PIEZO2: variants seen among roughly 807,000 people sequenced by gnomAD.
PIEZO2 encodes piezo type mechanosensitive ion channel component 2, also known as piezo-type mechanosensitive ion channel component 2.
A neutral mutation model predicts 337.3 loss-of-function variants in PIEZO2; 172 were observed. The ratio of observed to expected loss-of-function variants is 0.51; its 90% CI spans 0.45 to 0.58. PIEZO2 has a LOEUF of 0.58. PIEZO2 is among the 20% of genes least tolerant of loss of function. The pLI is 0.00. For synonymous variants in PIEZO2, 1,251 were observed against 1,228.5 expected (o/e 1.02, Z -0.38); for missense variants, 3,028 against 3,391.3 (o/e 0.89, Z 2.66).
At position 10,954,312 on chromosome 18, in the gene PIEZO2, A is replaced by G. The variant is rs2033428227; in HGVS notation, c.286+25223T>C. ...ACAGTGAGTCTTCCAATCCATGAAC[A>G]CAATGTATCTCTGCATTTATTTAGG... On this transcript the variant is annotated intron_variant, in intron 3 of 55. Coordinates refer to ENST00000674853, the MANE Select transcript of PIEZO2 (RefSeq NM_001378183.1). The surrounding 1 kb of genome is among the most constrained non-coding windows in gnomAD (Gnocchi z 4.2). 6.6e-6 allele frequency among the ~76,000 whole-genome samples: 1 copy of G among 152,208 alleles called. No individual in the cohort carries two copies. The highest frequency in any genetic ancestry group is 1.5e-5 in the Non-Finnish European group (1 of 68,024).
chr18:11,043,455 A>T (rs1402887268), intron 2 of PIEZO2, among the ~76,000 whole-genome samples: 1 of 152,234 alleles, frequency 6.6e-6, no homozygotes, highest in Non-Finnish European at 1.5e-5. Flanking sequence ...TTATCTGGCA[A>T]TCATAACTAC....
intron 3 of PIEZO2, among the ~76,000 whole-genome samples, chr18:10,971,956 C>T (rs901401833): frequency 1.6e-4 from 25 of 152,114 alleles, no homozygotes; most frequent in African/African-American, 5.8e-4. Flanking sequence ...ACCAGTAATA[C>T]GATAGTGAAA....
At chr18:10,785,512 A>G (rs192563653) in intron 16 of PIEZO2, among the ~76,000 whole-genome samples, 7 of 152,296 alleles carry the variant, frequency 4.6e-5, no homozygotes, top group African/African-American at 1.7e-4. Context: ...TGCTTCCAAA[A>G]CAGTATTCTT....
chr18:10,842,693 A>T (rs1370806329), intron 7 of PIEZO2, among the ~76,000 whole-genome samples: 1 of 152,220 alleles, frequency 6.6e-6, no homozygotes. Flanking sequence ...GTATTCCTTC[A>T]TGGCAACATT....
Position 10,716,255 on chromosome 18 carries a change from C to T in PIEZO2, c.5090-439G>A, listed in dbSNP as rs1031652250. On this transcript the variant is annotated intron_variant, in intron 37 of 55. Transcript: ENST00000674853. This position sits in a 1 kb window ranked among gnomAD's most constrained non-coding sequence, Gnocchi z 4.1. ...TACAGAAAAACCAACCCCTCTTCTT[C>T]CTCCTCCTCCTCAACCCACTCAAGG... Among the ~76,000 whole-genome samples the T allele has an allele frequency of 6.6e-6, 1 of 152,178 alleles. No individual in the cohort carries two copies. The highest frequency in any genetic ancestry group is 6.5e-5 in the Admixed American group (1 of 15,268).
At chr18:10,704,208 G>C in intron 42 of PIEZO2, 186 bp downstream of exon 42, 2 of 750,670 alleles carry the variant, frequency 2.7e-6, no homozygotes, top group Non-Finnish European at 4.2e-6. Flanking sequence ...TTAGAATTGC[G>C]AGTGCTAGGT....
intron 23 of PIEZO2, 138 bp downstream of exon 23, chr18:10,762,362 T>G (rs2143877118): frequency 9.3e-7 from 1 of 1,073,794 alleles, no homozygotes; most frequent in Non-Finnish European, 1.3e-6. Context: ...ACTTAGAGTT[T>G]GTTGCAAAGG....
chr18:10,896,636 C>T (rs2042910600), intron 4 of PIEZO2, among the ~76,000 whole-genome samples: 1 of 152,126 alleles, frequency 6.6e-6, no homozygotes, highest in Non-Finnish European at 1.5e-5. Context: ...GTGAGGCCTC[C>T]CTGACTTCCT....
At chr18:11,050,890 C>G (rs1046129226) in intron 2 of PIEZO2, among the ~76,000 whole-genome samples, 2 of 145,048 alleles carry the variant, frequency 1.4e-5, no homozygotes, top group African/African-American at 5.5e-5. Context: ...GCAAAATTTA[C>G]CAGGTTTAAA....
rs1199715968 is a variant in PIEZO2 at position 11,077,713 on chromosome 18, T to G, written c.65-11491A>C. ...CAAGTTTGGGAAGTTGTTGCTCCAT[T>G]TTCATTAATATCAGTACTTTTAAAC... On this transcript the variant is annotated intron_variant, in intron 1 of 55. Coordinates refer to ENST00000674853, the MANE Select transcript of PIEZO2 (RefSeq NM_001378183.1). This position sits in a 1 kb window ranked among gnomAD's most constrained non-coding sequence, Gnocchi z 4.8. Among the ~76,000 whole-genome samples, 1 of 149,858 alleles carries G rather than the reference T, an allele frequency of 6.7e-6. No homozygotes were observed. Among genetic ancestry groups the G allele is most frequent in the Non-Finnish European group, 1.5e-5 (1 of 67,374 alleles).
At chr18:11,063,299 G>T (rs1386361668) in intron 2 of PIEZO2, among the ~76,000 whole-genome samples, 1 of 119,650 alleles carries the variant, frequency 8.4e-6, no homozygotes, top group East Asian at 3.4e-4. Context: ...GGGGAGTGGG[G>T]AGGGATAGCA....
chr18:10,742,399 G>A, intron 32 of PIEZO2, 95 bp downstream of exon 32: 1 of 1,357,914 alleles, frequency 7.4e-7, no homozygotes, highest in Non-Finnish European at 9.9e-7. Context: ...GATAATCTTG[G>A]CAGAATAAGA....
At chr18:11,123,392 C>G (rs761161452) in intron 1 of PIEZO2, among the ~76,000 whole-genome samples, 1 of 152,124 alleles carries the variant, frequency 6.6e-6, no homozygotes, top group Non-Finnish European at 1.5e-5. Flanking sequence ...AAAAATCTGC[C>G]ATATGCTGTT....
At chr18:11,005,893 A>G (rs141664020) in intron 2 of PIEZO2, among the ~76,000 whole-genome samples, 1 of 152,348 alleles carries the variant, frequency 6.6e-6, no homozygotes, top group East Asian at 1.9e-4. Context: ...CTACAAAGGG[A>G]GTCTCCAGTA....
chr18:11,062,129 G>C (rs2145901203), intron 2 of PIEZO2, among the ~76,000 whole-genome samples: 1 of 152,130 alleles, frequency 6.6e-6, no homozygotes. Context: ...TCTGATCTTT[G>C]ACAAACCTGA....
At chr18:11,015,547 T>A (rs1357452161) in intron 2 of PIEZO2, among the ~76,000 whole-genome samples, 2 of 152,228 alleles carry the variant, frequency 1.3e-5, no homozygotes, top group Non-Finnish European at 1.5e-5. Context: ...ATATTTAACC[T>A]GAAAATTTTA....
At position 10,907,856 on chromosome 18, in the gene PIEZO2, T is replaced by A. The variant is rs559499413; in HGVS notation, c.329+3330A>T. On this transcript the variant is annotated intron_variant, in intron 4 of 55. Transcript: ENST00000674853. ...ATTTGATAGGCACAGATTCTTTTTA[T>A]CTATAATAAAAAAAATTGAGTCTGC... Among the ~76,000 whole-genome samples, 349 of 152,382 alleles carry A rather than the reference T, an allele frequency of 2.3e-3. 2 individuals are homozygous for A. Among genetic ancestry groups the A allele is most frequent in the African/African-American group, 7.1e-3 (295 of 41,580 alleles).
chr18:10,991,139 T>G (rs529347779), intron 2 of PIEZO2, among the ~76,000 whole-genome samples: 1 of 151,234 alleles, frequency 6.6e-6, no homozygotes, highest in Non-Finnish European at 1.5e-5. Context: ...ATTCTTTTTG[T>G]TTTTGGAAGG....
chr18:10,689,417 A>T (rs990312248), intron 49 of PIEZO2, among the ~76,000 whole-genome samples: 2 of 152,162 alleles, frequency 1.3e-5, no homozygotes, highest in Non-Finnish European at 2.9e-5. Context: ...ACCGTTTTTT[A>T]AAAATAACTA....
Sources: gnomAD v4.1 joint callset for allele counts (sites outside exome capture counted in the v4.1 genomes callset) on GRCh38, gnomAD v4.1.1 for gene constraint, Gnocchi (gnomAD v3.1) non-coding constraint, MANE v1.5 for transcripts, NCBI Gene and HGNC (gene_info 2026-07-23, HGNC 2026-07-21) for gene names.